Variants in SIK3 observed in about 807,000 individuals in gnomAD.
SIK3 encodes serine/threonine-protein kinase SIK3.
A neutral mutation model predicts 144.2 loss-of-function variants in SIK3; 28 were observed. The ratio of observed to expected loss-of-function variants is 0.19; its 90% confidence interval spans 0.14 to 0.27. The LOEUF (loss-of-function observed/expected upper bound fraction) is 0.27. Among genes scored for constraint, SIK3 ranks in the 10% least tolerant of loss-of-function variants. The probability of loss-of-function intolerance (pLI) is 1.00; values close to 1 mark genes in which losing one functional copy is unlikely to be tolerated. For missense variants in SIK3, 1,319 were observed against 1,776.0 expected, an observed-to-expected ratio of 0.74 and a Z score of 4.62; for synonymous variants, 686 against 676.3, an observed-to-expected ratio of 1.01 and a Z score of -0.22.
At chr11:116,932,918 C>G (rs118138924) in intron 3 of SIK3, among the ~76,000 whole-genome samples, 5,017 of 152,124 alleles carry the variant, frequency 0.033, 124 homozygotes, top group Non-Finnish European at 0.051. Context: ...GCAGCTAGGA[C>G]TACAAGCATC....
At chr11:116,882,808 A>C (rs1294228682) in intron 6 of SIK3, among the ~76,000 whole-genome samples, 1 of 152,244 alleles carries the variant, frequency 6.6e-6, no homozygotes, top group African/African-American at 2.4e-5. Context: ...AATTTAAACA[A>C]ACTTCTTAAA....
At chr11:116,975,612 T>C (rs1374725861) in intron 1 of SIK3, among the ~76,000 whole-genome samples, 1 of 152,260 alleles carries the variant, frequency 6.6e-6, no homozygotes, top group Non-Finnish European at 1.5e-5. Context: ...CATTCTTTAG[T>C]TGATGGACAT....
At chr11:116,871,773 C>T (rs1028504367) in intron 13 of SIK3, among the ~76,000 whole-genome samples, 1 of 152,180 alleles carries the variant, frequency 6.6e-6, no homozygotes, top group African/African-American at 2.4e-5. Context: ...ATAAAATTCA[C>T]ATCCCTAGCT....
At chr11:117,021,992 TAAAAATA>T (rs1424368790) in intron 1 of SIK3, among the ~76,000 whole-genome samples, 1 of 50,826 alleles carries the variant, frequency 2.0e-5, no homozygotes, top group Admixed American at 1.9e-4. Flanking sequence ...AAATAAAAAA[TAAAAATA>T]ATCCATAAAT....
chr11:117,032,302 G>C (rs886370153), intron 1 of SIK3, among the ~76,000 whole-genome samples: 1 of 152,144 alleles, frequency 6.6e-6, no homozygotes, highest in Non-Finnish European at 1.5e-5. Flanking sequence ...CATGAACACA[G>C]TATCTCTCAC....
rs1565368838 is a variant in SIK3, at chr11:116,858,304, T to TGCTGCTGCC, written c.3152_3160dup (p.Arg1051_Gln1053dup). The TGCTGCTGCC allele has an allele frequency of 6.2e-7, 1 of 1,613,062 alleles. No individual in the cohort carries two copies. The highest frequency in any genetic ancestry group is 1.1e-5 in the South Asian group (1 of 91,020). On this transcript the variant is annotated inframe_insertion, in exon 21 of 25. Transcript: ENST00000445177. The surrounding 1 kb of genome is among the most constrained non-coding windows in gnomAD (Gnocchi z 5.4). ...TTCTTGCTGTTGCTGCTGTTGCTGC[T>TGCTGCTGCC]GCTGCTGCCGTTGTTGCTGCTGCCT...
chr11:116,875,852 G>C lies in SIK3; in HGVS notation c.1239+14C>G, dbSNP rs778873157. 4 of 1,596,086 alleles carry C rather than the reference G, an allele frequency of 2.5e-6. No individual in the cohort carries two copies. The highest frequency in any genetic ancestry group is 3.4e-6 in the Non-Finnish European group (4 of 1,174,930). On this transcript the variant is annotated intron_variant, in intron 9 of 24. Coordinates refer to ENST00000445177, the MANE Select transcript of SIK3 (RefSeq NM_001366686.3). ...TTACTTGTCCTGAACTAGGTCACTG[G>C]AGTTATTGCCCACCTGGATATTGAC...
intron 2 of SIK3, among the ~76,000 whole-genome samples, chr11:116,955,587 T>C (rs1437310939): frequency 6.6e-6 from 1 of 152,108 alleles, no homozygotes; most frequent in Non-Finnish European, 1.5e-5. Context: ...AGTCAACCTC[T>C]TGAGAAAGGT....
intron 1 of SIK3, among the ~76,000 whole-genome samples, chr11:117,055,250 A>C (rs1953459922): frequency 6.6e-6 from 1 of 152,224 alleles, no homozygotes; most frequent in African/African-American, 2.4e-5. Flanking sequence ...TACCACAGAT[A>C]CAGATTTATA....
chr11:117,047,709 G>A (rs961548860), intron 1 of SIK3, among the ~76,000 whole-genome samples: 1 of 152,076 alleles, frequency 6.6e-6, no homozygotes, highest in Non-Finnish European at 1.5e-5. Flanking sequence ...TTCGGAGGCC[G>A]AGGTGAGAGG....
At position 116,873,453 on chromosome 11, in the gene SIK3, G is replaced by C. The variant is rs1327043904; in HGVS notation, c.1737+28C>G. The C allele has an allele frequency of 4.3e-6, 7 of 1,613,980 alleles. No individual in the cohort carries two copies. In the South Asian group the frequency reaches 6.6e-5, roughly 15 times the overall value. ...CTTTTTATCAAAAGCCTCTGAGACA[G>C]TGAATTGGGCTCTGTGCTGCTACTC... On this transcript the variant is annotated intron_variant, in intron 13 of 24. Coordinates refer to ENST00000445177, the MANE Select transcript of SIK3 (RefSeq NM_001366686.3).
At chr11:117,013,899 A>AGGGGGGGG (rs71037440) in intron 1 of SIK3, among the ~76,000 whole-genome samples, 2 of 26,608 alleles carry the variant, frequency 7.5e-5, no homozygotes, top group Non-Finnish European at 2.1e-4. Context: ...CCAGATTCTG[A>AGGGGGGGG]GGGGGGGGGG....
intron 6 of SIK3, among the ~76,000 whole-genome samples, chr11:116,886,921 A>G (rs991483354): frequency 6.6e-6 from 1 of 152,180 alleles, no homozygotes; most frequent in African/African-American, 2.4e-5. Context: ...TCCTTCTATA[A>G]TTTAGACTCA....
intron 4 of SIK3, among the ~76,000 whole-genome samples, chr11:116,900,062 T>C (rs1300507294): frequency 6.6e-6 from 1 of 152,180 alleles, no homozygotes; most frequent in Non-Finnish European, 1.5e-5. Context: ...TTGATATAAA[T>C]ACCCCAAATT....
chr11:116,966,280 T>C (rs1035109446), intron 1 of SIK3, among the ~76,000 whole-genome samples: 2 of 152,064 alleles, frequency 1.3e-5, no homozygotes, highest in African/African-American at 4.8e-5. Flanking sequence ...CCTGTAGTCC[T>C]AGTACTCAGG....
chr11:117,054,458 C>T (rs1953418603), intron 1 of SIK3, among the ~76,000 whole-genome samples: 1 of 152,044 alleles, frequency 6.6e-6, no homozygotes, highest in Non-Finnish European at 1.5e-5. Flanking sequence ...TAAGAGAGAC[C>T]CATCAGAGGC....
At chr11:116,955,116 G>C (rs1267021764) in intron 2 of SIK3, among the ~76,000 whole-genome samples, 1 of 151,920 alleles carries the variant, frequency 6.6e-6, no homozygotes, top group Non-Finnish European at 1.5e-5. Context: ...ATTCAGTTCC[G>C]GCCAGGCGCA....
At chr11:116,951,489 T>C (rs905682367) in intron 3 of SIK3, among the ~76,000 whole-genome samples, 4 of 152,172 alleles carry the variant, frequency 2.6e-5, no homozygotes, top group Non-Finnish European at 5.9e-5. Context: ...TTGCGGTTTT[T>C]GCCATTACTT....
intron 1 of SIK3, among the ~76,000 whole-genome samples, chr11:117,088,886 T>G (rs1409679369): frequency 6.6e-6 from 1 of 152,058 alleles, no homozygotes; most frequent in Non-Finnish European, 1.5e-5. Flanking sequence ...CTCACTATGT[T>G]GCCCAGGCTG....
Sources: gnomAD v4.1 joint callset for allele counts (sites outside exome capture counted in the v4.1 genomes callset) on GRCh38, gnomAD v4.1.1 for gene constraint, Gnocchi (gnomAD v3.1) non-coding constraint, MANE v1.5 for transcripts, NCBI Gene and HGNC (gene_info 2026-07-23, HGNC 2026-07-21) for gene names.